Variants in HNRNPLL observed in about 807,000 individuals in gnomAD.
HNRNPLL encodes heterogeneous nuclear ribonucleoprotein L-like.
HNRNPLL carries 25 observed loss-of-function variants against 67.1 expected under a neutral mutation model. That is an observed-to-expected ratio of 0.37 (90% CI 0.27 to 0.52). The LOEUF (loss-of-function observed/expected upper bound fraction) is 0.52, where lower values mean the gene tolerates loss of function less well. HNRNPLL is among the 20% of genes least tolerant of loss of function. The pLI is 0.90. For synonymous variants in HNRNPLL, 267 were observed against 241.7 expected, an observed-to-expected ratio of 1.10 and a Z score of -0.97; for missense variants, 542 against 673.9, an observed-to-expected ratio of 0.80 and a Z score of 2.17.
rs373166410 is a variant in HNRNPLL, at chr2:38,564,168, A to G, written c.*14T>C. 15 of 1,448,312 alleles carry G rather than the reference A, an allele frequency of 1.0e-5. No homozygotes were observed. In the African/African-American group the frequency reaches 1.8e-4, roughly 18 times the overall value. The allele number at this position is 1,448,312 out of a possible 1,614,324, so 89.7% of individuals were successfully genotyped here. On this transcript the variant is annotated 3_prime_UTR_variant, in exon 13 of 13. Coordinates refer to ENST00000449105, the MANE Select transcript of HNRNPLL (RefSeq NM_138394.4). Reference sequence around the variant, plus strand: ...AATAAAGGTGAACATAAATTCTAACATGCTCTTCTCTTCTTATAAATGGGA... The same window carrying G: ...AATAAAGGTGAACATAAATTCTAACGTGCTCTTCTCTTCTTATAAATGGGA...
At chr2:38,581,826 C>G in intron 6 of HNRNPLL, 87 bp downstream of exon 6, 1 of 845,992 alleles carries the variant, frequency 1.2e-6, no homozygotes, top group Non-Finnish European at 2.0e-6. Flanking sequence ...TTTGAATTAA[C>G]TAGCTCATCT....
At chr2:38,590,996 C>A (rs1267292930) in intron 2 of HNRNPLL, among the ~76,000 whole-genome samples, 1 of 152,060 alleles carries the variant, frequency 6.6e-6, no homozygotes, top group Non-Finnish European at 1.5e-5. Context: ...CAGAGAGAGA[C>A]CCTGTCTCAA....
chr2:38,576,496 T>G (rs1258677997), intron 7 of HNRNPLL, among the ~76,000 whole-genome samples: 1 of 151,788 alleles, frequency 6.6e-6, no homozygotes, highest in Non-Finnish European at 1.5e-5. Context: ...AAAACAGAGA[T>G]GGTTTCAATC....
At chr2:38,586,742 T>A (rs1666751120) in intron 2 of HNRNPLL, among the ~76,000 whole-genome samples, 1 of 152,102 alleles carries the variant, frequency 6.6e-6, no homozygotes, top group African/African-American at 2.4e-5. Context: ...CCATAAAAAA[T>A]ATTCATTAGA....
intron 1 of HNRNPLL, among the ~76,000 whole-genome samples, chr2:38,592,310 C>G (rs1441259046): frequency 1.3e-5 from 2 of 152,134 alleles, no homozygotes; most frequent in African/African-American, 4.8e-5. Flanking sequence ...TCAACTAGTA[C>G]AAATGAACAA....
At chr2:38,597,378 T>C (rs1332808125) in intron 1 of HNRNPLL, among the ~76,000 whole-genome samples, 1 of 152,210 alleles carries the variant, frequency 6.6e-6, no homozygotes, top group Non-Finnish European at 1.5e-5. Flanking sequence ...AATTTATCAA[T>C]GCAGTCCCAA....
At chr2:38,579,878 AG>A (rs1666454994) in intron 6 of HNRNPLL, among the ~76,000 whole-genome samples, 1 of 152,204 alleles carries the variant, frequency 6.6e-6, no homozygotes, top group African/African-American at 2.4e-5. Flanking sequence ...TGGTCTCGCA[AG>A]ACAAATATCT....
chr2:38,585,913 A>G (rs771916504), intron 2 of HNRNPLL, 32 bp from the exon 3 acceptor site: 1 of 1,251,448 alleles, frequency 8.0e-7, no homozygotes, highest in Non-Finnish European at 1.2e-6. Flanking sequence ...AAACACACAA[A>G]CACAGCAAGT....
At chr2:38,571,598 G>C (rs946078297) in intron 8 of HNRNPLL, among the ~76,000 whole-genome samples, 1 of 152,190 alleles carries the variant, frequency 6.6e-6, no homozygotes, top group African/African-American at 2.4e-5. Context: ...GAAATCTCTT[G>C]TCTTCTCATG....
chr2:38,584,715 C>G (rs1037320902), intron 3 of HNRNPLL, among the ~76,000 whole-genome samples: 1 of 152,074 alleles, frequency 6.6e-6, no homozygotes, highest in African/African-American at 2.4e-5. Flanking sequence ...GAAGACCATA[C>G]AGTTACATGT....
chr2:38,573,432 A>G lies in HNRNPLL; in HGVS notation c.875-5T>C. On this transcript the variant is annotated splice_polypyrimidine_tract_variant and splice_region_variant and intron_variant, in intron 7 of 12. Transcript: ENST00000449105. ...GCAATAATGGACCATGGGATCCTAT[A>G]AAAATGATCAAAATAAATAAATTAG... is the stretch of plus-strand genomic sequence containing the variant. 6.4e-7 allele frequency: 1 copy of G among 1,566,170 alleles called. No homozygotes were observed.
Position 38,602,898 on chromosome 2 carries a change from G to T in HNRNPLL, c.-272C>A. On this transcript the variant is annotated 5_prime_UTR_variant, in exon 1 of 13. Transcript: ENST00000449105. Reference sequence around the variant, plus strand: ...CTCTCCCTCCTCCTCCTCCGTCTCCGCTCCCTGCCCGGAGGAGCGAATCTA... The same window carrying T: ...CTCTCCCTCCTCCTCCTCCGTCTCCTCTCCCTGCCCGGAGGAGCGAATCTA... 1 of 1,543,734 alleles carries T rather than the reference G, an allele frequency of 6.5e-7. No homozygotes were observed. The highest frequency in any genetic ancestry group is 8.8e-7 in the Non-Finnish European group (1 of 1,141,646).
chr2:38,594,446 T>C (rs1450955108), intron 1 of HNRNPLL, among the ~76,000 whole-genome samples: 2 of 152,092 alleles, frequency 1.3e-5, no homozygotes, highest in East Asian at 1.9e-4. Flanking sequence ...TACTTTCAAA[T>C]AGTTTAGGGG....
Position 38,585,821 on chromosome 2 carries a change from A to T in HNRNPLL, c.369T>A (p.Ser123Arg). 2 of 1,614,062 alleles carry T rather than the reference A, an allele frequency of 1.2e-6. No homozygotes were observed. Among genetic ancestry groups the T allele is most frequent in the Non-Finnish European group, 1.7e-6 (2 of 1,179,898 alleles). Residue 123 changes from serine (S) to arginine (R), a missense_variant, in exon 3 of 13, where the codon AGT becomes AGA. This residue lies in a region of HNRNPLL where 415 missense variants were observed against 575.2 expected (regional missense o/e 0.72). Coordinates refer to ENST00000449105, the MANE Select transcript of HNRNPLL (RefSeq NM_138394.4). ...QALVEFENID[S>R]AKECVTFAAD... is the part of the protein sequence containing the mutation. ...CAGCAAATGTCACACATTCTTTGGC[A>T]CTATCTATGTTTTCAAATTCCACTA...
chr2:38,586,890 A>G (rs1666756861), intron 2 of HNRNPLL, among the ~76,000 whole-genome samples: 1 of 152,202 alleles, frequency 6.6e-6, no homozygotes, highest in African/African-American at 2.4e-5. Flanking sequence ...GAGGAGATAT[A>G]TTTTAATACA....
intron 12 of HNRNPLL, among the ~76,000 whole-genome samples, chr2:38,565,727 CAAAAAAAAAAAAAAAAA>C (rs200356084): frequency 1.4e-5 from 1 of 73,302 alleles, no homozygotes; most frequent in African/African-American, 5.9e-5. Context: ...GACCCTGTCT[CAAAAAAAAAAAAAAAAA>C]AAAAAAAAAA....
chr2:38,569,992 C>T (rs1484902680), intron 8 of HNRNPLL, 67 bp from the exon 9 acceptor site: 7 of 1,105,456 alleles, frequency 6.3e-6, no homozygotes, highest in Non-Finnish European at 9.3e-6. Flanking sequence ...AATTTTAAAA[C>T]ACAATACGAC....
At position 38,602,804 on chromosome 2, in the gene HNRNPLL, C is replaced by T; in HGVS notation, c.-178G>A. On this transcript the variant is annotated 5_prime_UTR_variant, in exon 1 of 13. Coordinates refer to ENST00000449105, the MANE Select transcript of HNRNPLL (RefSeq NM_138394.4). Reference sequence around the variant, plus strand: ...CTGGCGGCTGAGAAGCGCGGACGGACTGAGGGGGGCGCCCCGGGAGGAAGC... The same window carrying T: ...CTGGCGGCTGAGAAGCGCGGACGGATTGAGGGGGGCGCCCCGGGAGGAAGC... 1.3e-6 allele frequency: 2 copies of T among 1,543,916 alleles called. No individual in the cohort carries two copies. Among genetic ancestry groups the T allele is most frequent in the African/African-American group, 2.8e-5 (2 of 71,878 alleles).
chr2:38,595,029 C>A (rs1353031514), intron 1 of HNRNPLL, among the ~76,000 whole-genome samples: 1 of 151,942 alleles, frequency 6.6e-6, no homozygotes, highest in Non-Finnish European at 1.5e-5. Flanking sequence ...GTAATCCTAG[C>A]ACTCTGGGAG....
Sources: gnomAD v4.1 joint callset for allele counts (sites outside exome capture counted in the v4.1 genomes callset) on GRCh38, gnomAD v4.1.1 for gene constraint, gnomAD v4.1.1 regional missense constraint, MANE v1.5 for transcripts, NCBI Gene and HGNC (gene_info 2026-07-23, HGNC 2026-07-21) for gene names.